Variants in VPS13A observed in about 807,000 individuals in gnomAD.
VPS13A encodes the protein intermembrane lipid transfer protein VPS13A.
A neutral mutation model predicts 390.9 loss-of-function variants in VPS13A; 264 were observed. The observed-to-expected ratio is 0.68, with a 90% CI of 0.61 to 0.75. VPS13A has a LOEUF of 0.75. VPS13A is among the 30% of genes least tolerant of loss of function. The probability of loss-of-function intolerance (pLI) is 0.00; values close to 1 mark genes in which losing one functional copy is unlikely to be tolerated. For missense variants in VPS13A, 3,409 were observed against 3,733.9 expected (o/e 0.91, Z 2.27); for synonymous variants, 1,231 against 1,227.1 (o/e 1.00, Z -0.07).
chr9:77,196,546 A>T (rs142888664), intron 1 of VPS13A, among the ~76,000 whole-genome samples: 5 of 152,176 alleles, frequency 3.3e-5, no homozygotes, highest in African/African-American at 9.6e-5. Context: ...TGAGATGTCA[A>T]CTTTTTTAGA....
intron 19 of VPS13A, among the ~76,000 whole-genome samples, chr9:77,238,695 AT>A (rs1465094957): frequency 2.0e-5 from 3 of 152,114 alleles, no homozygotes; most frequent in Non-Finnish European, 4.4e-5. Context: ...TGCGTTCCAG[AT>A]TTTGATATAT....
chr9:77,404,363 A>G (rs549343455), intron 69 of VPS13A, among the ~76,000 whole-genome samples: 3 of 152,344 alleles, frequency 2.0e-5, no homozygotes, highest in East Asian at 3.9e-4. Context: ...GAAGATTATT[A>G]CATGTCAACG....
At chr9:77,282,310 T>C in intron 29 of VPS13A, 36 bp downstream of exon 29, 1 of 1,586,450 alleles carries the variant, frequency 6.3e-7, no homozygotes, top group South Asian at 1.1e-5. Flanking sequence ...AACTTTTTTT[T>C]TTTTTAACCA....
At chr9:77,370,743 A>G in intron 65 of VPS13A, 147 bp from the exon 66 acceptor site, 2 of 1,235,918 alleles carry the variant, frequency 1.6e-6, no homozygotes, top group South Asian at 2.7e-5. Flanking sequence ...CCTCTAAAAC[A>G]TTCTGTTTAA....
chr9:77,221,320 TA>T lies in VPS13A; in HGVS notation c.1127del (p.Lys376ArgfsTer23), dbSNP rs1564641227. 1 of 1,613,218 alleles carries T rather than the reference TA, an allele frequency of 6.2e-7. No individual in the cohort carries two copies. Among genetic ancestry groups the T allele is most frequent in the Non-Finnish European group, 8.5e-7 (1 of 1,179,456 alleles). ...KELYKKKLTS[K>X]KPPGELLVSL... ...AACTGTATAAAAAAAAGTTAACAAG[TA>T]AGAAGCCACCTGGTGAACTTCTCGT... On this transcript the variant is annotated frameshift_variant, in exon 13 of 72. Transcript: ENST00000360280. LOFTEE classifies it high-confidence loss of function.
At chr9:77,336,802 CT>C (rs1221241397) in intron 46 of VPS13A, among the ~76,000 whole-genome samples, 20,649 of 107,772 alleles carry the variant, frequency 0.19, 1,173 homozygotes, top group East Asian at 0.32. Flanking sequence ...ATTTATCTAT[CT>C]TTTTTTTTTT....
At chr9:77,296,527 A>AT (rs1199442351) in intron 33 of VPS13A, among the ~76,000 whole-genome samples, 22 of 151,396 alleles carry the variant, frequency 1.5e-4, no homozygotes, top group Admixed American at 7.9e-4. Flanking sequence ...TTTTTGTCTC[A>AT]TTTTTTACTT....
intron 22 of VPS13A, among the ~76,000 whole-genome samples, chr9:77,258,539 T>C (rs951905805): frequency 6.6e-6 from 1 of 152,164 alleles, no homozygotes; most frequent in African/African-American, 2.4e-5. Flanking sequence ...AATCAAAGCA[T>C]GCACTGAGAG....
At chr9:77,322,101 C>T (rs1026096559) in intron 44 of VPS13A, among the ~76,000 whole-genome samples, 4 of 151,322 alleles carry the variant, frequency 2.6e-5, no homozygotes, top group Non-Finnish European at 4.4e-5. Context: ...ATTTGGTATC[C>T]GTTGATAGTA....
intron 71 of VPS13A, among the ~76,000 whole-genome samples, chr9:77,413,065 A>G (rs572978584): frequency 1.3e-5 from 2 of 152,350 alleles, no homozygotes; most frequent in Non-Finnish European, 2.9e-5. Context: ...TTCAAGGAGA[A>G]CTACAAACCA....
rs146181918 is a variant in VPS13A, at chr9:77,265,095, C to T, written c.2427+4871C>T. The stretch of plus-strand genomic sequence containing the variant: ...CTGGTTCAGTTTATGTGATGGATTA[C>T]GTTTATTGATTTGCATATGTTGAAC... On this transcript the variant is annotated intron_variant, in intron 23 of 71. Transcript: ENST00000360280. Among the ~76,000 whole-genome samples the T allele has an allele frequency of 2.7e-3, 418 of 152,236 alleles. 2 individuals are homozygous for T. Among genetic ancestry groups the T allele is most frequent in the African/African-American group, 9.4e-3 (392 of 41,524 alleles).
At chr9:77,206,590 T>C (rs1589996060) in intron 5 of VPS13A, among the ~76,000 whole-genome samples, 1 of 152,156 alleles carries the variant, frequency 6.6e-6, no homozygotes, top group African/African-American at 2.4e-5. Flanking sequence ...CAACCTCTTT[T>C]TCATTATTGG....
In VPS13A at chr9:77,420,536, T is replaced by C. The variant is rs1835311031; in HGVS notation, c.*4530T>C. ...TATACAAGAAATATAACTTCAATTT[T>C]TTAGGTTGATATGGGTATATTTTTA... On this transcript the variant is annotated 3_prime_UTR_variant, in exon 72 of 72. Transcript: ENST00000360280. 6.6e-6 allele frequency: 1 copy of C among 152,186 alleles called. No homozygotes were observed. Among genetic ancestry groups the C allele is most frequent in the Non-Finnish European group, 1.5e-5 (1 of 68,032 alleles). 9.4% of individuals were successfully genotyped at this position (152,186 alleles called of 1,614,324 possible).
chr9:77,191,362 C>T (rs28799104), intron 1 of VPS13A, among the ~76,000 whole-genome samples: 442 of 149,730 alleles, frequency 3.0e-3, no homozygotes, highest in African/African-American at 0.01. Flanking sequence ...GGCATGAACA[C>T]GGCTCACTGC....
intron 52 of VPS13A, 189 bp from the exon 53 acceptor site, chr9:77,351,128 G>A: frequency 1.6e-6 from 1 of 615,422 alleles, no homozygotes; most frequent in East Asian, 3.8e-5. Context: ...TTCTAAGTGG[G>A]AAAATAATGA....
intron 69 of VPS13A, among the ~76,000 whole-genome samples, chr9:77,404,560 G>C (rs567601831): frequency 6.6e-6 from 1 of 152,150 alleles, no homozygotes; most frequent in Non-Finnish European, 1.5e-5. Context: ...TAAAGGAAAG[G>C]TAACTAATCA....
intron 41 of VPS13A, 60 bp downstream of exon 41, chr9:77,318,651 T>A: frequency 7.6e-7 from 1 of 1,308,956 alleles, no homozygotes; most frequent in Non-Finnish European, 1.1e-6. Flanking sequence ...TTATGACAGA[T>A]AATGATACAT....
chr9:77,369,200 G>A (rs1832608607), intron 62 of VPS13A, 99 bp from the exon 63 acceptor site: 1 of 842,448 alleles, frequency 1.2e-6, no homozygotes, highest in Admixed American at 1.8e-5. Flanking sequence ...TGGCATTAAA[G>A]GTGTTGGCCT....
Position 77,207,242 on chromosome 9 carries a change from TA to T in VPS13A, c.385+1164del, listed in dbSNP as rs1564630385. ...ATATATATATATATATATATATATA[TA>T]TATATATATAAAACGTGTTATATGT... On this transcript the variant is annotated intron_variant, in intron 5 of 71. Transcript: ENST00000360280. Among the ~76,000 whole-genome samples the T allele has an allele frequency of 1.6e-4, 18 of 110,802 alleles. 1 individual carries two copies. The highest frequency in any genetic ancestry group is 3.9e-4 in the African/African-American group (12 of 31,020). The allele number at this position is 110,802 out of a possible 152,430, so 72.7% of individuals were successfully genotyped here. A position where few individuals can be genotyped will look rare whatever the true frequency, so the allele number is the denominator to read the frequency against.
Sources: gnomAD v4.1 joint callset for allele counts (sites outside exome capture counted in the v4.1 genomes callset) on GRCh38, gnomAD v4.1.1 for gene constraint, MANE v1.5 for transcripts, NCBI Gene and HGNC (gene_info 2026-07-23, HGNC 2026-07-21) for gene names.